The following EIF5B variants were observed in gnomAD, a reference collection of about 807,000 sequenced individuals.
EIF5B encodes the protein eIF-5B.
Under a neutral mutation model 147.5 loss-of-function variants are expected in EIF5B, and 47 were observed. The observed-to-expected ratio is 0.32, with a 90% CI of 0.25 to 0.41. EIF5B has a LOEUF of 0.41. Ranked by LOEUF, EIF5B falls within the 10% of genes least tolerant of loss-of-function variation. The probability of loss-of-function intolerance (pLI) is 1.00; values close to 1 mark genes in which losing one functional copy is unlikely to be tolerated. For missense variants in EIF5B, 1,064 were observed against 1,413.2 expected (o/e 0.75, Z 3.96); for synonymous variants, 455 against 456.2 (o/e 1.00, Z 0.03).
Position 99,361,438 on chromosome 2 carries a change from A to G in EIF5B, c.537A>G (p.Arg179=). 6.2e-7 allele frequency: 1 copy of G among 1,614,054 alleles called. No individual in the cohort carries two copies. Among genetic ancestry groups the G allele is most frequent in the Non-Finnish European group, 8.5e-7 (1 of 1,180,022 alleles). Residue 179 remains arginine (R), a synonymous_variant, in exon 4 of 24, where the codon AGA becomes AGG. Transcript: ENST00000289371. ...GTAAAAAAATTAAAGAGCGTTCAAGAATAAATTCTTCTGGTGAAAGTGGTG... is the reference window on the plus strand; with the variant it reads ...GTAAAAAAATTAAAGAGCGTTCAAGGATAAATTCTTCTGGTGAAAGTGGTG... ...DNSKKIKERS[R]INSSGESGDE...
At chr2:99,357,238 T>TG (rs1674114042) in intron 1 of EIF5B, among the ~76,000 whole-genome samples, 1 of 152,214 alleles carries the variant, frequency 6.6e-6, no homozygotes, top group South Asian at 2.1e-4. Context: ...TGCCTTTCTG[T>TG]GTAAACTGTA....
chr2:99,373,227 C>T (rs1487493780), intron 9 of EIF5B, among the ~76,000 whole-genome samples: 2 of 152,198 alleles, frequency 1.3e-5, no homozygotes, highest in Admixed American at 6.5e-5. Flanking sequence ...TTATCTTAGT[C>T]CATTTGTTCT....
intron 8 of EIF5B, among the ~76,000 whole-genome samples, chr2:99,370,185 A>G (rs1451757017): frequency 1.3e-5 from 2 of 152,160 alleles, no homozygotes; most frequent in African/African-American, 2.4e-5. Flanking sequence ...TCTATTTACA[A>G]TAATCAGAGA....
At chr2:99,344,351 CTTTAAGT>C (rs902937770) in intron 1 of EIF5B, among the ~76,000 whole-genome samples, 2 of 151,944 alleles carry the variant, frequency 1.3e-5, no homozygotes, top group Admixed American at 6.6e-5. Flanking sequence ...TATTTCCGGA[CTTTAAGT>C]TTTATTTCTT....
intron 4 of EIF5B, among the ~76,000 whole-genome samples, chr2:99,363,129 A>G (rs1376133387): frequency 6.6e-6 from 1 of 152,200 alleles, no homozygotes; most frequent in Non-Finnish European, 1.5e-5. Flanking sequence ...GTACCTTCAT[A>G]GCTTTTAATT....
At chr2:99,366,451 T>C (rs1674330103) in intron 6 of EIF5B, among the ~76,000 whole-genome samples, 1 of 152,350 alleles carries the variant, frequency 6.6e-6, no homozygotes, top group South Asian at 2.1e-4. Context: ...TTGGTTTGTT[T>C]AATGTATTCG....
intron 14 of EIF5B, among the ~76,000 whole-genome samples, 160 bp downstream of exon 14, chr2:99,383,081 G>T (rs1674726143): frequency 1.4e-5 from 2 of 145,980 alleles, no homozygotes; most frequent in Non-Finnish European, 3.0e-5. Flanking sequence ...TTTGTGTATA[G>T]TTTTTTTTTT....
intron 1 of EIF5B, among the ~76,000 whole-genome samples, chr2:99,359,318 G>A (rs373469602): frequency 4.0e-5 from 6 of 151,648 alleles, no homozygotes; most frequent in African/African-American, 1.5e-4. Flanking sequence ...GCAGTGAGCC[G>A]AGATCACGCC....
intron 5 of EIF5B, 42 bp downstream of exon 5, chr2:99,363,904 CT>C: frequency 6.4e-7 from 1 of 1,554,798 alleles, no homozygotes; most frequent in South Asian, 1.2e-5. Context: ...TTGTGTTTAA[CT>C]TAAAATCTAT....
rs1574936578 is a variant in EIF5B at position 99,382,915 on chromosome 2, C to T, written c.2265C>T (p.Leu755=). 2 of 1,597,602 alleles carry T rather than the reference C, an allele frequency of 1.3e-6. No homozygotes were observed. Among genetic ancestry groups the T allele is most frequent in the Non-Finnish European group, 1.7e-6 (2 of 1,175,510 alleles). ...KSKKCPFIVA[L]NKIDRLYDWK... ...AAAAATGTCCCTTCATTGTTGCACT[C>T]AATAAGGTATGTGCGCCTTCTGAAA... is the stretch of plus-strand genomic sequence containing the variant. Residue 755 remains leucine (L), a synonymous_variant, in exon 14 of 24, where the codon CTC becomes CTT. Coordinates refer to ENST00000289371, the MANE Select transcript of EIF5B (RefSeq NM_015904.4).
chr2:99,389,980 C>A (rs1674889473), intron 15 of EIF5B, 131 bp downstream of exon 15: 13 of 1,298,414 alleles, frequency 1.0e-5, no homozygotes, highest in Non-Finnish European at 1.4e-5. Context: ...TTTTTAAATT[C>A]TTCTTCCCTT....
chr2:99,401,289 G>T lies in EIF5B; in HGVS notation c.*1875G>T. ...CATAAGTTTGTTGTAAAACCACCTG[G>T]ACATTGTCAAGAATAAAGTCAAATG... On this transcript the variant is annotated 3_prime_UTR_variant, in exon 24 of 24. Coordinates refer to ENST00000289371, the MANE Select transcript of EIF5B (RefSeq NM_015904.4). 1 of 1,613,676 alleles carries T rather than the reference G, an allele frequency of 6.2e-7. No individual in the cohort carries two copies. The highest frequency in any genetic ancestry group is 8.5e-7 in the Non-Finnish European group (1 of 1,179,754).
intron 1 of EIF5B, among the ~76,000 whole-genome samples, chr2:99,338,980 A>AC (rs61397332): frequency 8.4e-5 from 12 of 142,334 alleles, no homozygotes; most frequent in East Asian, 4.0e-4. Context: ...ATATATATAC[A>AC]AATATATACA....
chr2:99,398,695 T>C, intron 22 of EIF5B, 53 bp from the exon 23 acceptor site: 1 of 1,550,562 alleles, frequency 6.4e-7, no homozygotes, highest in Non-Finnish European at 8.7e-7. Flanking sequence ...CCATGGCGCC[T>C]GTGATTGGCA....
At chr2:99,345,597 A>G (rs1359395458) in intron 1 of EIF5B, among the ~76,000 whole-genome samples, 2 of 120,330 alleles carry the variant, frequency 1.7e-5, no homozygotes, top group African/African-American at 5.4e-5. Context: ...GTCTCAAAAA[A>G]AAAAAAAAAA....
Position 99,394,642 on chromosome 2 carries a change from T to A in EIF5B, c.3089+57T>A, listed in dbSNP as rs1027252496. 4.3e-6 allele frequency: 7 copies of A among 1,611,642 alleles called. No homozygotes were observed. The African/African-American group carries it at 9.4e-5, about 22-fold the overall frequency. On this transcript the variant is annotated intron_variant, in intron 20 of 23. Coordinates refer to ENST00000289371, the MANE Select transcript of EIF5B (RefSeq NM_015904.4). Reference sequence around the variant, plus strand: ...ATGTTACGTAGCTATCTTAAAACTGTCCTATCTTAAAAAACTGTCCTCTGT... The same window carrying A: ...ATGTTACGTAGCTATCTTAAAACTGACCTATCTTAAAAAACTGTCCTCTGT...
intron 14 of EIF5B, among the ~76,000 whole-genome samples, chr2:99,385,899 A>C (rs955334274): frequency 1.3e-5 from 2 of 152,170 alleles, no homozygotes; most frequent in Non-Finnish European, 2.9e-5. Context: ...CCCTAAACTC[A>C]AGCTAGTATT....
chr2:99,360,488 T>G lies in EIF5B; in HGVS notation c.185T>G (p.Leu62Arg). 4 of 1,613,676 alleles carry G rather than the reference T, an allele frequency of 2.5e-6. No individual in the cohort carries two copies. Among genetic ancestry groups the G allele is most frequent in the Non-Finnish European group, 3.4e-6 (4 of 1,179,794 alleles). The change falls in exon 3 of 24, where the codon CTG (leucine) becomes CGG (arginine). Residue 62 changes from leucine (L) to arginine (R), a missense_variant. Around this residue, in one of 4 missense-constraint regions of EIF5B, gnomAD observed 458 missense variants for 451.3 expected, o/e 1.01. Coordinates refer to ENST00000289371, the MANE Select transcript of EIF5B (RefSeq NM_015904.4). ...DFDEDDILKELEELSLEAQGI... is the reference protein window; with the variant it reads ...DFDEDDILKEREELSLEAQGI... ...AGTGAAGATGATATCCTGAAAGAAC[T>G]GGAAGAATTGTCTTTGGAAGCTCAA...
In EIF5B at chr2:99,369,423, A is replaced by G. The variant is rs1171495986; in HGVS notation, c.1419A>G (p.Val473=). The change falls in exon 8 of 24, where the codon GTA becomes GTG. Residue 473 remains valine (V), a synonymous_variant. Coordinates refer to ENST00000289371, the MANE Select transcript of EIF5B (RefSeq NM_015904.4). ...AATCAATGGAATTATGTGCTGCTGT[A>G]GAAGTTATGGAACAAGGAGTACCAG... ...VSESMELCAA[V]EVMEQGVPEK... The G allele has an allele frequency of 1.9e-6, 3 of 1,611,744 alleles. No homozygotes were observed. Among genetic ancestry groups the G allele is most frequent in the East Asian group, 2.2e-5 (1 of 44,776 alleles).
Sources: allele counts gnomAD v4.1 joint callset (sites outside exome capture counted in the v4.1 genomes callset), GRCh38; gene constraint gnomAD v4.1.1; regional missense constraint gnomAD v4.1.1; transcripts MANE v1.5; gene names NCBI Gene and HGNC (gene_info 2026-07-23, HGNC 2026-07-21).